DNAH17: variants seen among roughly 807,000 people sequenced by gnomAD.
DNAH17 encodes dynein axonemal heavy chain 17, also known as axonemal beta dynein heavy chain 17.
Under a neutral mutation model 485.6 loss-of-function variants are expected in DNAH17, and 376 were observed. That is an observed-to-expected ratio of 0.77 (90% CI 0.71 to 0.84). DNAH17 has a LOEUF of 0.84. Ranked by LOEUF, DNAH17 falls within the 40% of genes least tolerant of loss-of-function variation. The pLI is 0.00. For synonymous variants in DNAH17, 3,031 were observed against 2,405.9 expected (o/e 1.26, Z -7.60); for missense variants, 6,370 against 5,839.3 (o/e 1.09, Z -2.96).
At chr17:78,512,249 T>C (rs1000446214) in intron 26 of DNAH17, among the ~76,000 whole-genome samples, 1 of 152,240 alleles carries the variant, frequency 6.6e-6, no homozygotes, top group Non-Finnish European at 1.5e-5. Context: ...CCCTTGGTCC[T>C]TGGGGTATGT....
At chr17:78,501,482 C>G in intron 34 of DNAH17, 138 bp from the exon 35 acceptor site, 1 of 1,144,236 alleles carries the variant, frequency 8.7e-7, no homozygotes, top group Non-Finnish European at 1.2e-6. Context: ...CTCCAGCACC[C>G]ACATCCAACT....
chr17:78,574,697 G>A lies in DNAH17; in HGVS notation c.345+16C>T. On this transcript the variant is annotated intron_variant, in intron 2 of 80. Coordinates refer to ENST00000389840, the MANE Select transcript of DNAH17 (RefSeq NM_173628.4). ...GTCGTGCTCGACACCCCGGATGGCA[G>A]CCTGGACGCACTCACCTCCTCCACC... The A allele has an allele frequency of 1.9e-6, 3 of 1,580,906 alleles. No homozygotes were observed. Among genetic ancestry groups the A allele is most frequent in the Non-Finnish European group, 2.6e-6 (3 of 1,160,812 alleles).
rs1288767259 is a variant in DNAH17 at position 78,462,940 on chromosome 17, C to T, written c.9078G>A (p.Leu3026=). ...TPKTFLEQIK[L]YQNLLAKKRT... is the part of the protein sequence containing the mutation. Reference sequence around the variant, plus strand: ...TCTTCTTGGCCAGCAGGTTCTGGTACAGTTTGATCTGCTCCAGAAAGGTTT... The same window carrying T: ...TCTTCTTGGCCAGCAGGTTCTGGTATAGTTTGATCTGCTCCAGAAAGGTTT... Residue 3026 remains leucine (L), a synonymous_variant, in exon 57 of 81, where the codon CTG becomes CTA. Transcript: ENST00000389840. 2 of 1,613,970 alleles carry T rather than the reference C, an allele frequency of 1.2e-6. No homozygotes were observed. The highest frequency in any genetic ancestry group is 1.7e-6 in the Non-Finnish European group (2 of 1,179,898).
chr17:78,464,113 C>G (rs539587691), intron 56 of DNAH17, among the ~76,000 whole-genome samples: 131 of 152,216 alleles, frequency 8.6e-4, no homozygotes, highest in African/African-American at 3.0e-3. Context: ...GATATGTGTT[C>G]AAAAGAAACA....
rs755041875 is a variant in DNAH17 at position 78,423,763 on chromosome 17, T to C, written c.*143A>G. Reference sequence around the variant, plus strand: ...ACCAACCTCCACCCTCTGGTTCCGATGTGCTTGGTTACAAAGCACCTGATT... The same window carrying C: ...ACCAACCTCCACCCTCTGGTTCCGACGTGCTTGGTTACAAAGCACCTGATT... On this transcript the variant is annotated 3_prime_UTR_variant, in exon 81 of 81. Transcript: ENST00000389840. The C allele has an allele frequency of 1.2e-5, 13 of 1,096,566 alleles. No individual in the cohort carries two copies. Among genetic ancestry groups the C allele is most frequent in the Non-Finnish European group, 1.7e-5 (13 of 759,344 alleles). The allele number at this position is 1,096,566 out of a possible 1,614,324, so 67.9% of individuals were successfully genotyped here.
At position 78,507,575 on chromosome 17, in the gene DNAH17, C is replaced by T; in HGVS notation, c.4467G>A (p.Trp1489Ter). 1 of 1,614,142 alleles carries T rather than the reference C, an allele frequency of 6.2e-7. No individual in the cohort carries two copies. The change falls in exon 28 of 81, where the codon TGG becomes TGA. Residue 1489 changes from tryptophan to a stop codon, truncating the protein, a stop_gained. Coordinates refer to ENST00000389840, the MANE Select transcript of DNAH17 (RefSeq NM_173628.4). LOFTEE classifies it high-confidence loss of function. ...LSTADSVISIWFEVQRTWSHL... is the reference protein window; with the variant it reads ...LSTADSVISI ...GGCTCCAGGTTCGCTGGACCTCAAA[C>T]CAGATGGAGATGACGGAGTCCGCCG... is the stretch of plus-strand genomic sequence containing the variant.
rs539407808 is a variant in DNAH17 at position 78,447,059 on chromosome 17, C to T, written c.11212-1379G>A. Among the ~76,000 whole-genome samples, 3 of 152,302 alleles carry T rather than the reference C, an allele frequency of 2.0e-5. No homozygotes were observed. In the East Asian group the frequency reaches 5.8e-4, roughly 29 times the overall value. The stretch of plus-strand genomic sequence containing the variant: ...GCTCAAGTGACCCGCCTATCTCAGC[C>T]TCCCAAGTAACTGGGACTACAGGTG... On this transcript the variant is annotated intron_variant, in intron 69 of 80. Transcript: ENST00000389840.
chr17:78,433,657 G>A (rs571352117), intron 75 of DNAH17, among the ~76,000 whole-genome samples: 1 of 152,200 alleles, frequency 6.6e-6, no homozygotes, highest in East Asian at 1.9e-4. Context: ...TCCCCACTGA[G>A]TCCCAGCTCA....
intron 11 of DNAH17, among the ~76,000 whole-genome samples, chr17:78,563,668 C>T (rs137988482): frequency 2.6e-4 from 39 of 152,120 alleles, no homozygotes; most frequent in Admixed American, 2.0e-3. Context: ...TTCTATTTTC[C>T]GCCAAAAGGA....
chr17:78,459,915 A>G lies in DNAH17; in HGVS notation c.9522T>C (p.Pro3174=). The change falls in exon 60 of 81, where the codon CCT becomes CCC. Residue 3174 remains proline (P), a synonymous_variant. Transcript: ENST00000389840. The part of the protein sequence containing the change: ...VTAAVMILTA[P]GGKIPKDKSW... ...TCTTGTCCTTGGGGATCTTGCCCCC[A>G]GGTGCGGTCAGAATCATGACGGCGG... The G allele has an allele frequency of 6.2e-7, 1 of 1,614,010 alleles. No individual in the cohort carries two copies. Among genetic ancestry groups the G allele is most frequent in the Non-Finnish European group, 8.5e-7 (1 of 1,179,888 alleles).
rs1018792804 is a variant in DNAH17 at position 78,507,755 on chromosome 17, C to T, written c.4287G>A (p.Glu1429=). The T allele has an allele frequency of 1.3e-6, 2 of 1,590,480 alleles. No homozygotes were observed. Among genetic ancestry groups the T allele is most frequent in the Non-Finnish European group, 1.7e-6 (2 of 1,174,630 alleles). Residue 1429 remains glutamate (E), a synonymous_variant, in exon 28 of 81, where the codon GAG becomes GAA. Coordinates refer to ENST00000389840, the MANE Select transcript of DNAH17 (RefSeq NM_173628.4). The part of the protein sequence containing the change: ...STWSMMEFQH[E]PHPRTGTMML... The stretch of plus-strand genomic sequence containing the variant: ...TCATGGTGCCTGTCCGCGGGTGCGG[C>T]TCGTGCTGGAATTCCATCATGCTCC...
At position 78,521,185 on chromosome 17, in the gene DNAH17, C is replaced by T. The variant is rs571728727; in HGVS notation, c.3864+3824G>A. Among the ~76,000 whole-genome samples, 16 of 152,238 alleles carry T rather than the reference C, an allele frequency of 1.1e-4. No homozygotes were observed. The South Asian group carries it at 1.7e-3, about 16-fold the overall frequency. ...CTTTGGGAGGCTGAGGCAGGTGGAT[C>T]GCTTGAGGTCATGAGTTCAAGACCA... On this transcript the variant is annotated intron_variant, in intron 25 of 80. Coordinates refer to ENST00000389840, the MANE Select transcript of DNAH17 (RefSeq NM_173628.4).
At chr17:78,492,934 C>G (rs921880684) in intron 41 of DNAH17, among the ~76,000 whole-genome samples, 169 bp from the exon 42 acceptor site, 2 of 148,152 alleles carry the variant, frequency 1.3e-5, no homozygotes, top group Non-Finnish European at 3.0e-5. Flanking sequence ...TCACTGCAAC[C>G]TCTGCCTCAG....
intron 34 of DNAH17, 162 bp from the exon 35 acceptor site, chr17:78,501,506 C>T: frequency 9.9e-7 from 1 of 1,007,836 alleles, no homozygotes; most frequent in Non-Finnish European, 1.4e-6. Context: ...TGGCCACCCT[C>T]AGTGGAATCT....
intron 16 of DNAH17, among the ~76,000 whole-genome samples, chr17:78,544,385 C>T (rs941696677): frequency 5.9e-5 from 9 of 152,156 alleles, no homozygotes; most frequent in Admixed American, 1.3e-4. Context: ...TAGCTGCAAA[C>T]GGAGGGCCAC....
At chr17:78,438,444 A>AGGAGGAGGAGGG (rs1568050755) in intron 73 of DNAH17, among the ~76,000 whole-genome samples, 1 of 26,176 alleles carries the variant, frequency 3.8e-5, no homozygotes, top group Admixed American at 3.5e-4. Context: ...GAGGAGGAGG[A>AGGAGGAGGAGGG]GGGAGGAGGG....
At chr17:78,568,511 C>A (rs2092303875) in intron 9 of DNAH17, among the ~76,000 whole-genome samples, 1 of 152,160 alleles carries the variant, frequency 6.6e-6, no homozygotes, top group Non-Finnish European at 1.5e-5. Flanking sequence ...GCAGAAGATA[C>A]AAAAGGCAAA....
chr17:78,576,163 C>T (rs1017664100), intron 1 of DNAH17, among the ~76,000 whole-genome samples: 3 of 152,216 alleles, frequency 2.0e-5, no homozygotes, highest in Admixed American at 6.5e-5. Flanking sequence ...CTCACAAATT[C>T]TGCCTTTTGG....
intron 33 of DNAH17, chr17:78,502,209 T>C: frequency 2.7e-6 from 1 of 367,712 alleles, no homozygotes; most frequent in South Asian, 3.9e-5. Context: ...GAGTAACAGG[T>C]TGCATAAGGG....
Sources: allele counts gnomAD v4.1 joint callset (sites outside exome capture counted in the v4.1 genomes callset), GRCh38; gene constraint gnomAD v4.1.1; transcripts MANE v1.5; gene names NCBI Gene and HGNC (gene_info 2026-07-23, HGNC 2026-07-21).